MAN2A1: variants seen among roughly 807,000 people sequenced by gnomAD.
MAN2A1 encodes the protein mannosidase alpha class 2A member 1, also known as alpha-mannosidase 2.
MAN2A1 carries 76 observed loss-of-function variants against 142.6 expected under a neutral mutation model. The observed-to-expected ratio is 0.53, with a 90% CI of 0.44 to 0.65. The LOEUF (loss-of-function observed/expected upper bound fraction) is 0.65. Among genes scored for constraint, MAN2A1 ranks in the 30% least tolerant of loss-of-function variants. MAN2A1 has a pLI of 0.00. For synonymous variants in MAN2A1, 559 were observed against 473.2 expected (o/e 1.18, Z -2.35); for missense variants, 1,311 against 1,365.1 (o/e 0.96, Z 0.62).
chr5:109,854,945 G>A (rs1375132175), intron 19 of MAN2A1, 195 bp from the exon 20 acceptor site: 4 of 409,412 alleles, frequency 9.8e-6, no homozygotes, highest in African/African-American at 6.2e-5. Flanking sequence ...AGTTAGATGT[G>A]TGCTGTTTAT....
intron 16 of MAN2A1, among the ~76,000 whole-genome samples, chr5:109,831,893 TTGAGA>T (rs1360400187): frequency 2.0e-5 from 3 of 151,654 alleles, no homozygotes; most frequent in Non-Finnish European, 2.9e-5. Context: ...TTCTTCTGGA[TTGAGA>T]TATAAAAATT....
At chr5:109,824,095 G>C (rs879277795) in intron 16 of MAN2A1, among the ~76,000 whole-genome samples, 6 of 152,054 alleles carry the variant, frequency 3.9e-5, no homozygotes, top group Non-Finnish European at 5.9e-5. Context: ...TCATTAACTG[G>C]TAACTTTATT....
At chr5:109,751,816 A>G (rs933137732) in intron 4 of MAN2A1, among the ~76,000 whole-genome samples, 3 of 151,186 alleles carry the variant, frequency 2.0e-5, no homozygotes, top group East Asian at 1.9e-4. Flanking sequence ...TTTCTCTTAT[A>G]TTTTCCTTCA....
At position 109,784,795 on chromosome 5, in the gene MAN2A1, GATAA is replaced by G; in HGVS notation, c.1636_1639del (p.Lys546PhefsTer10). 2 of 1,611,306 alleles carry G rather than the reference GATAA, an allele frequency of 1.2e-6. No homozygotes were observed. On this transcript the variant is annotated frameshift_variant, in exon 10 of 22. Transcript: ENST00000261483. LOFTEE classifies it high-confidence loss of function. The stretch of plus-strand genomic sequence containing the variant: ...CCCTGAGACAAGCTCACAAATACAA[GATAA>G]ATAAATTTCTCTCATCATCACTTTA...
chr5:109,779,527 G>A lies in MAN2A1; in HGVS notation c.1375-1869G>A, dbSNP rs954595867. Among the ~76,000 whole-genome samples, 6 of 150,852 alleles carry A rather than the reference G, an allele frequency of 4.0e-5. No homozygotes were observed. In the South Asian group the frequency reaches 6.3e-4, roughly 16 times the overall value. ...GTTAATGCCATATTTCCTTCTATTC[G>A]TGACTCATTTCTTTTATGGTTACAC... On this transcript the variant is annotated intron_variant, in intron 8 of 21. Transcript: ENST00000261483.
At chr5:109,722,298 G>A (rs1751626883) in intron 3 of MAN2A1, among the ~76,000 whole-genome samples, 2 of 152,128 alleles carry the variant, frequency 1.3e-5, no homozygotes, top group South Asian at 4.1e-4. Context: ...TAATTGAAAT[G>A]AATGTCTCTG....
intron 1 of MAN2A1, among the ~76,000 whole-genome samples, chr5:109,697,602 A>G (rs1222800932): frequency 6.6e-6 from 1 of 152,226 alleles, no homozygotes; most frequent in East Asian, 1.9e-4. Flanking sequence ...TGACATAGCC[A>G]TGGTCATTCA....
At chr5:109,755,478 A>G (rs1582864046) in intron 5 of MAN2A1, 22 bp downstream of exon 5, 1 of 1,590,678 alleles carries the variant, frequency 6.3e-7, no homozygotes, top group African/African-American at 1.4e-5. Context: ...TATATTCTTT[A>G]TTTGGGCTAT....
At chr5:109,740,431 T>A (rs765957855) in intron 4 of MAN2A1, among the ~76,000 whole-genome samples, 1 of 152,164 alleles carries the variant, frequency 6.6e-6, no homozygotes, top group Non-Finnish European at 1.5e-5. Flanking sequence ...AGGTAGGAGA[T>A]GTGTGTCTGA....
At chr5:109,795,672 A>T (rs530637490) in intron 12 of MAN2A1, among the ~76,000 whole-genome samples, 1 of 152,356 alleles carries the variant, frequency 6.6e-6, no homozygotes, top group African/African-American at 2.4e-5. Context: ...GCAAGTATGG[A>T]GAATGATTCC....
In MAN2A1 at chr5:109,690,159, C is replaced by A. The variant is rs980040101; in HGVS notation, c.-259C>A. On this transcript the variant is annotated 5_prime_UTR_variant, in exon 1 of 22. Transcript: ENST00000261483. ...TGCGATCAAGTTTGTGGGGGCCCCC[C>A]TTCCCAGTTGCCGGCGAGTCTCGCC... is the stretch of plus-strand genomic sequence containing the variant. 4.5e-5 allele frequency: 20 copies of A among 447,244 alleles called. No individual in the cohort carries two copies. The highest frequency in any genetic ancestry group is 6.9e-5 in the Non-Finnish European group (17 of 244,984). The allele number at this position is 447,244 out of a possible 1,614,324, so 27.7% of individuals were successfully genotyped here. A position where few individuals can be genotyped will look rare whatever the true frequency, so the allele number is the denominator to read the frequency against.
chr5:109,823,485 T>C (rs746729041), intron 15 of MAN2A1, among the ~76,000 whole-genome samples: 7 of 152,232 alleles, frequency 4.6e-5, no homozygotes, highest in Non-Finnish European at 8.8e-5. Flanking sequence ...GGAGGAATGC[T>C]TTCTAGACCA....
At chr5:109,736,529 T>A (rs191999595) in intron 4 of MAN2A1, among the ~76,000 whole-genome samples, 1 of 152,042 alleles carries the variant, frequency 6.6e-6, no homozygotes, top group Non-Finnish European at 1.5e-5. Context: ...AAAAAAAAGT[T>A]TTTTTTAGGT....
chr5:109,779,551 A>T (rs1753390017), intron 8 of MAN2A1, among the ~76,000 whole-genome samples: 1 of 118,732 alleles, frequency 8.4e-6, no homozygotes, highest in Admixed American at 8.7e-5. Flanking sequence ...TTATGGTTAC[A>T]CACACACACG....
intron 1 of MAN2A1, among the ~76,000 whole-genome samples, chr5:109,692,579 G>T (rs889278697): frequency 3.3e-5 from 5 of 152,128 alleles, no homozygotes; most frequent in African/African-American, 4.8e-5. Context: ...GCTTGCCCAA[G>T]ATCACACAGC....
chr5:109,737,119 A>T (rs1752124951), intron 4 of MAN2A1, among the ~76,000 whole-genome samples: 1 of 110,980 alleles, frequency 9.0e-6, no homozygotes, highest in African/African-American at 3.7e-5. Flanking sequence ...TTTGAGACTG[A>T]GTCTCGCTCT....
At chr5:109,844,579 A>G (rs1413283302) in intron 17 of MAN2A1, among the ~76,000 whole-genome samples, 1 of 152,030 alleles carries the variant, frequency 6.6e-6, no homozygotes, top group Admixed American at 6.6e-5. Flanking sequence ...ACAAAACTTT[A>G]TTCTTTCACA....
intron 6 of MAN2A1, 149 bp from the exon 7 acceptor site, chr5:109,770,206 C>T: frequency 1.6e-6 from 1 of 638,434 alleles, no homozygotes; most frequent in South Asian, 2.1e-5. Context: ...TTAAATACCG[C>T]TGGGGTATAT....
chr5:109,830,314 G>A (rs1387953527), intron 16 of MAN2A1, among the ~76,000 whole-genome samples: 2 of 151,998 alleles, frequency 1.3e-5, no homozygotes, highest in Non-Finnish European at 2.9e-5. Context: ...AATTTCTTAG[G>A]GACTCAGTTT....
Sources: gnomAD v4.1 joint callset for allele counts (sites outside exome capture counted in the v4.1 genomes callset) on GRCh38, gnomAD v4.1.1 for gene constraint, MANE v1.5 for transcripts, NCBI Gene and HGNC (gene_info 2026-07-23, HGNC 2026-07-21) for gene names.